The following ZHX3 variants were observed in gnomAD, a reference collection of about 807,000 sequenced individuals.
ZHX3 encodes zinc fingers and homeoboxes protein 3.
ZHX3 carries 20 observed loss-of-function variants against 64.5 expected under a neutral mutation model. The observed-to-expected ratio is 0.31, with a 90% confidence interval of 0.22 to 0.45. The LOEUF is 0.45. Among genes scored for constraint, ZHX3 ranks in the 20% least tolerant of loss-of-function variants. The probability of loss-of-function intolerance (pLI) is 1.00; values close to 1 mark genes in which losing one functional copy is unlikely to be tolerated. For synonymous variants in ZHX3, 423 were observed against 461.6 expected, an observed-to-expected ratio of 0.92 and a Z score of 1.07; for missense variants, 1,041 against 1,195.8, an observed-to-expected ratio of 0.87 and a Z score of 1.91.
chr20:41,185,223 G>A lies in ZHX3; in HGVS notation c.2861-22C>T. 6.3e-7 allele frequency: 1 copy of A among 1,594,408 alleles called. No individual in the cohort carries two copies. On this transcript the variant is annotated intron_variant, in intron 3 of 3. Coordinates refer to ENST00000683867, the MANE Select transcript of ZHX3 (RefSeq NM_001384317.1). This position sits in a 1 kb window ranked among gnomAD's most constrained non-coding sequence, Gnocchi z 5.0. Reference sequence around the variant, plus strand: ...GTTTCTGAGAAGAAAACACATGCCTGTCACTCTACGGCAGCTGCCACCACC... The same window carrying A: ...GTTTCTGAGAAGAAAACACATGCCTATCACTCTACGGCAGCTGCCACCACC...
In ZHX3 at chr20:41,208,448, T is replaced by C. The variant is rs536014054; in HGVS notation, c.-150-3382A>G. Among the ~76,000 whole-genome samples the C allele has an allele frequency of 9.9e-5, 15 of 152,282 alleles. No individual in the cohort carries two copies. In the South Asian group the frequency reaches 3.1e-3, roughly 32 times the overall value. ...ATCGATGCAAAAATCCTCAATAAAA[T>C]ACTGGCAAATCGAATCCAGCAGCAC... On this transcript the variant is annotated intron_variant, in intron 2 of 3. Transcript: ENST00000683867.
At position 41,277,829 on chromosome 20, in the gene ZHX3, G is replaced by A. The variant is rs978786221; in HGVS notation, c.-244-8746C>T. Among the ~76,000 whole-genome samples the A allele has an allele frequency of 3.6e-5, 5 of 137,216 alleles. 2 individuals are homozygous for A. Among genetic ancestry groups the A allele is most frequent in the Non-Finnish European group, 7.9e-5 (5 of 63,050 alleles). The allele number at this position is 137,216 out of a possible 152,430, so 90.0% of individuals were successfully genotyped here. A position where few individuals can be genotyped will look rare whatever the true frequency, so the allele number is the denominator to read the frequency against. ...GATGGTCTCGATCTCCTGACCTCGT[G>A]ATCTGCCCGCCTCGGCCTCCCAAAG... On this transcript the variant is annotated intron_variant, in intron 1 of 3. Transcript: ENST00000683867.
intron 1 of ZHX3, among the ~76,000 whole-genome samples, chr20:41,284,621 G>C (rs2043846137): frequency 6.6e-6 from 1 of 152,080 alleles, no homozygotes; most frequent in Admixed American, 6.6e-5. Flanking sequence ...TTCTCATCAA[G>C]ACCCCAGCCT....
intron 2 of ZHX3, among the ~76,000 whole-genome samples, chr20:41,249,048 A>T (rs893112394): frequency 1.3e-5 from 2 of 152,248 alleles, no homozygotes; most frequent in African/African-American, 2.4e-5. Context: ...TGTAAACTAT[A>T]CAAAATTACC....
chr20:41,274,570 C>G (rs558373367), intron 1 of ZHX3, among the ~76,000 whole-genome samples: 1 of 152,328 alleles, frequency 6.6e-6, no homozygotes, highest in Admixed American at 6.5e-5. Flanking sequence ...TGGATACAAT[C>G]TGTTTTTTGC....
In ZHX3 at chr20:41,228,825, T is replaced by C. The variant is rs745320765; in HGVS notation, c.-150-23759A>G. On this transcript the variant is annotated intron_variant, in intron 2 of 3. Coordinates refer to ENST00000683867, the MANE Select transcript of ZHX3 (RefSeq NM_001384317.1). The surrounding 1 kb of genome is among the most constrained non-coding windows in gnomAD (Gnocchi z 4.6). ...TTTATTCACATCTCTCTTTTCTCTTTTCCCACATGAAATGTTAATGGTCTC... is the reference window on the plus strand; with the variant it reads ...TTTATTCACATCTCTCTTTTCTCTTCTCCCACATGAAATGTTAATGGTCTC... Among the ~76,000 whole-genome samples, 3 of 152,254 alleles carry C rather than the reference T, an allele frequency of 2.0e-5. No homozygotes were observed. The highest frequency in any genetic ancestry group is 4.4e-5 in the Non-Finnish European group (3 of 68,044).
intron 2 of ZHX3, among the ~76,000 whole-genome samples, chr20:41,214,078 A>G (rs1345697060): frequency 6.6e-6 from 1 of 152,168 alleles, no homozygotes; most frequent in Non-Finnish European, 1.5e-5. Flanking sequence ...TTGTCTCTTA[A>G]AAAAAGAAAA....
At chr20:41,263,253 T>C (rs2042651968) in intron 2 of ZHX3, among the ~76,000 whole-genome samples, 1 of 152,040 alleles carries the variant, frequency 6.6e-6, no homozygotes, top group Non-Finnish European at 1.5e-5. Flanking sequence ...AGTTGGAAAA[T>C]GTAACAAAAT....
At chr20:41,240,742 C>A (rs944745081) in intron 2 of ZHX3, among the ~76,000 whole-genome samples, 1 of 152,150 alleles carries the variant, frequency 6.6e-6, no homozygotes, top group Non-Finnish European at 1.5e-5. Context: ...TTAGCTCCAA[C>A]AAATAACTGA....
rs60165829 is a variant in ZHX3, at chr20:41,287,468, G to A, written c.-244-18385C>T. The stretch of plus-strand genomic sequence containing the variant: ...TTTGTGAAACCTCATCTCCTTGAGT[G>A]TAGGCCAGACTTACTGACTCATTTC... On this transcript the variant is annotated intron_variant, in intron 1 of 3. Coordinates refer to ENST00000683867, the MANE Select transcript of ZHX3 (RefSeq NM_001384317.1). Among the ~76,000 whole-genome samples the A allele has an allele frequency of 1.4e-3, 212 of 152,298 alleles. 3 individuals carry two copies. In the East Asian group the frequency reaches 0.027, roughly 20 times the overall value.
In ZHX3 at chr20:41,178,922, A is replaced by G. The variant is rs1265619520; in HGVS notation, c.*6269T>C. On this transcript the variant is annotated 3_prime_UTR_variant, in exon 4 of 4. Coordinates refer to ENST00000683867, the MANE Select transcript of ZHX3 (RefSeq NM_001384317.1). ...CTCTTACTTGTTTAGCACCAAGATG[A>G]TCACCTTTTCAGCCATCTCTCCTGA... The G allele has an allele frequency of 6.6e-6, 1 of 152,636 alleles. No individual in the cohort carries two copies. Among genetic ancestry groups the G allele is most frequent in the Non-Finnish European group, 1.5e-5 (1 of 68,058 alleles). The allele number at this position is 152,636 out of a possible 1,614,324, so 9.5% of individuals were successfully genotyped here. A position where few individuals can be genotyped will look rare whatever the true frequency, so the allele number is the denominator to read the frequency against.
chr20:41,226,899 C>G lies in ZHX3; in HGVS notation c.-150-21833G>C, dbSNP rs2040306492. Among the ~76,000 whole-genome samples, 1 of 152,174 alleles carries G rather than the reference C, an allele frequency of 6.6e-6. No homozygotes were observed. Among genetic ancestry groups the G allele is most frequent in the Non-Finnish European group, 1.5e-5 (1 of 68,030 alleles). ...TACTCAGGGTCTAAGCCCCCTGGAA[C>G]AATAGAGGGCTATGGCTCTACCTTA... On this transcript the variant is annotated intron_variant, in intron 2 of 3. Transcript: ENST00000683867. This position sits in a 1 kb window ranked among gnomAD's most constrained non-coding sequence, Gnocchi z 4.4.
chr20:41,205,754 A>G (rs2038654334), intron 2 of ZHX3, among the ~76,000 whole-genome samples: 1 of 152,164 alleles, frequency 6.6e-6, no homozygotes, highest in African/African-American at 2.4e-5. Flanking sequence ...AATCCACAGA[A>G]CCAGTTTGTG....
intron 2 of ZHX3, among the ~76,000 whole-genome samples, chr20:41,260,601 AT>A (rs2042513761): frequency 6.6e-6 from 1 of 152,216 alleles, no homozygotes; most frequent in Non-Finnish European, 1.5e-5. Flanking sequence ...CCTGAAATCT[AT>A]CACTATTTGT....
intron 2 of ZHX3, among the ~76,000 whole-genome samples, chr20:41,240,691 CCTT>C (rs2041324535): frequency 6.6e-6 from 1 of 152,152 alleles, no homozygotes; most frequent in Non-Finnish European, 1.5e-5. Context: ...TGGTAACCAT[CCTT>C]CTACTCTGTA....
Position 41,226,933 on chromosome 20 carries a change from AGG to A in ZHX3, c.-150-21869_-150-21868del, listed in dbSNP as rs2040308818. Among the ~76,000 whole-genome samples the A allele has an allele frequency of 6.6e-6, 1 of 152,224 alleles. No individual in the cohort carries two copies. The highest frequency in any genetic ancestry group is 1.5e-5 in the Non-Finnish European group (1 of 68,036). On this transcript the variant is annotated intron_variant, in intron 2 of 3. Transcript: ENST00000683867. The surrounding 1 kb of genome is among the most constrained non-coding windows in gnomAD (Gnocchi z 4.4). The stretch of plus-strand genomic sequence containing the variant: ...GCTATGGCTCTACCTTAGTCGGCCC[AGG>A]ACAGTTTCTAAAATGTTTCCTTTAT...
intron 2 of ZHX3, among the ~76,000 whole-genome samples, chr20:41,236,384 C>T (rs1300490209): frequency 1.3e-5 from 2 of 152,164 alleles, no homozygotes; most frequent in Non-Finnish European, 2.9e-5. Context: ...TACAAGGCTA[C>T]AGTAACCAAA....
chr20:41,299,154 GAAT>G (rs1375927294), intron 1 of ZHX3, among the ~76,000 whole-genome samples: 2 of 152,186 alleles, frequency 1.3e-5, no homozygotes, highest in Non-Finnish European at 2.9e-5. Flanking sequence ...AACCTTCAGA[GAAT>G]AATATAACAG....
intron 2 of ZHX3, among the ~76,000 whole-genome samples, chr20:41,207,522 A>T (rs2146262717): frequency 6.6e-6 from 1 of 152,350 alleles, no homozygotes; most frequent in South Asian, 2.1e-4. Context: ...ATCAAACTAG[A>T]ACTCAGGATT....
Sources: allele counts gnomAD v4.1 joint callset (sites outside exome capture counted in the v4.1 genomes callset), GRCh38; gene constraint gnomAD v4.1.1; non-coding constraint Gnocchi (gnomAD v3.1); transcripts MANE v1.5; gene names NCBI Gene and HGNC (gene_info 2026-07-23, HGNC 2026-07-21).